The following MANEA variants were observed in gnomAD, a reference collection of about 807,000 sequenced individuals.
The protein encoded by MANEA is glycoprotein endo-alpha-1,2-mannosidase.
MANEA carries 25 observed loss-of-function variants against 36.8 expected under a neutral mutation model. That is an observed-to-expected ratio of 0.68 (90% CI 0.50 to 0.95). The LOEUF is 0.95. Among genes scored for constraint, MANEA ranks in the 40% least tolerant of loss-of-function variants. The pLI, the probability that MANEA is intolerant of heterozygous loss-of-function variation, is 0.00. For synonymous variants in MANEA, 198 were observed against 188.5 expected (o/e 1.05, Z -0.41); for missense variants, 565 against 558.8 (o/e 1.01, Z -0.11).
chr6:95,604,468 G>A (rs1233903262), intron 3 of MANEA, among the ~76,000 whole-genome samples: 1 of 151,930 alleles, frequency 6.6e-6, no homozygotes, highest in African/African-American at 2.4e-5. Context: ...GCATTGCACA[G>A]CAGTTAAGCA....
At chr6:95,596,208 G>T (rs1769479146) in intron 2 of MANEA, among the ~76,000 whole-genome samples, 1 of 152,066 alleles carries the variant, frequency 6.6e-6, no homozygotes, top group African/African-American at 2.4e-5. Flanking sequence ...GGATGAATCA[G>T]TATAGCACAG....
Position 95,607,385 on chromosome 6 carries a change from G to A in MANEA, c.*980G>A, listed in dbSNP as rs1769738034. On this transcript the variant is annotated 3_prime_UTR_variant, in exon 5 of 5. Coordinates refer to ENST00000358812, the MANE Select transcript of MANEA (RefSeq NM_024641.4). ...AAGAAAAATGTTATTACTGTCATTA[G>A]GTTGTCTTTTAATACTTTAAGTTAT... The A allele has an allele frequency of 6.6e-6, 1 of 151,858 alleles. No individual in the cohort carries two copies. 9.4% of individuals were successfully genotyped at this position (151,858 alleles called of 1,614,324 possible). A position where few individuals can be genotyped will look rare whatever the true frequency, so the allele number is the denominator to read the frequency against.
intron 3 of MANEA, among the ~76,000 whole-genome samples, chr6:95,597,980 G>GTT (rs1769511203): frequency 6.6e-6 from 1 of 151,984 alleles, no homozygotes; most frequent in Non-Finnish European, 1.5e-5. Context: ...TCAGAAGAGA[G>GTT]TTTAAGATTT....
intron 1 of MANEA, among the ~76,000 whole-genome samples, chr6:95,584,322 G>A (rs949913409): frequency 3.9e-5 from 6 of 152,104 alleles, no homozygotes; most frequent in African/African-American, 1.4e-4. Flanking sequence ...AAGTAGGAGA[G>A]GTATCACTAA....
intron 1 of MANEA, among the ~76,000 whole-genome samples, chr6:95,583,614 G>C (rs960950247): frequency 6.6e-6 from 1 of 152,080 alleles, no homozygotes; most frequent in Non-Finnish European, 1.5e-5. Context: ...TGTGCGGTGG[G>C]AAAACTATAA....
chr6:95,584,112 G>A (rs1444215687), intron 1 of MANEA, among the ~76,000 whole-genome samples: 2 of 152,052 alleles, frequency 1.3e-5, no homozygotes, highest in Non-Finnish European at 2.9e-5. Flanking sequence ...GAGGATGTAC[G>A]TCACCTCAGG....
At chr6:95,604,755 A>G in intron 3 of MANEA, 72 bp from the exon 4 acceptor site, 1 of 601,708 alleles carries the variant, frequency 1.7e-6, no homozygotes, top group Non-Finnish European at 2.8e-6. Context: ...ACTTTATTAA[A>G]TATATTAAGT....
At chr6:95,601,009 A>G (rs1769580708) in intron 3 of MANEA, among the ~76,000 whole-genome samples, 1 of 152,210 alleles carries the variant, frequency 6.6e-6, no homozygotes, top group East Asian at 1.9e-4. Context: ...TTGGTGCTTT[A>G]GTTATTTTTC....
At chr6:95,602,365 A>T (rs919065712) in intron 3 of MANEA, among the ~76,000 whole-genome samples, 1 of 152,172 alleles carries the variant, frequency 6.6e-6, no homozygotes, top group African/African-American at 2.4e-5. Flanking sequence ...TTATGGCACC[A>T]CATAGGAGTA....
chr6:95,581,375 T>G (rs1769179161), intron 1 of MANEA, among the ~76,000 whole-genome samples: 1 of 151,978 alleles, frequency 6.6e-6, no homozygotes, highest in Non-Finnish European at 1.5e-5. Flanking sequence ...AGGATCAGCT[T>G]AAGAAATTAC....
rs762019122 is a variant in MANEA, at chr6:95,586,858, C to T, written c.419C>T (p.Pro140Leu). 40 of 1,613,482 alleles carry T rather than the reference C, an allele frequency of 2.5e-5. No homozygotes were observed. The highest frequency in any genetic ancestry group is 3.1e-5 in the Non-Finnish European group (37 of 1,179,630). ...GACCCTAGAATAGCCAAGAATTATC[C>T]ACAAGGGAGACACAACCCTCCAGAT... ...HWDPRIAKNYPQGRHNPPDDI... is the reference protein window; with the variant it reads ...HWDPRIAKNYLQGRHNPPDDI... Residue 140 changes from proline (P) to leucine (L), a missense_variant, in exon 2 of 5, where the codon CCA becomes CTA. Physicochemically the swap from Pro to Leu is moderately conservative, Grantham distance 98. Coordinates refer to ENST00000358812, the MANE Select transcript of MANEA (RefSeq NM_024641.4).
rs545463960 is a variant in MANEA, at chr6:95,601,774, C to T, written c.655-3053C>T. On this transcript the variant is annotated intron_variant, in intron 3 of 4. Coordinates refer to ENST00000358812, the MANE Select transcript of MANEA (RefSeq NM_024641.4). Reference sequence around the variant, plus strand: ...AGGATTATAGGGGAAAGAACCAACTCAGCCCTGGTGATCTTCTTTCATTTT... The same window carrying T: ...AGGATTATAGGGGAAAGAACCAACTTAGCCCTGGTGATCTTCTTTCATTTT... Among the ~76,000 whole-genome samples the T allele has an allele frequency of 2.3e-5, 3 of 132,218 alleles. No individual in the cohort carries two copies. The South Asian group carries it at 7.1e-4, about 31-fold the overall frequency. The allele number at this position is 132,218 out of a possible 152,430, so 86.7% of individuals were successfully genotyped here.
intron 3 of MANEA, among the ~76,000 whole-genome samples, chr6:95,603,558 ATTAT>A (rs1396800329): frequency 6.6e-6 from 1 of 151,934 alleles, no homozygotes; most frequent in Non-Finnish European, 1.5e-5. Context: ...TTTTTTAAAT[ATTAT>A]TTAACTTTAA....
At chr6:95,584,258 C>T (rs925805459) in intron 1 of MANEA, among the ~76,000 whole-genome samples, 1 of 151,980 alleles carries the variant, frequency 6.6e-6, no homozygotes, top group African/African-American at 2.4e-5. Flanking sequence ...CCTGTGGGGT[C>T]GGGCAAAAAG....
At chr6:95,588,964 T>C (rs1447273503) in intron 2 of MANEA, among the ~76,000 whole-genome samples, 1 of 152,000 alleles carries the variant, frequency 6.6e-6, no homozygotes, top group South Asian at 2.1e-4. Context: ...TATTGTATCA[T>C]GTATATGAAC....
Position 95,586,738 on chromosome 6 carries a change from A to T in MANEA, c.299A>T (p.Asn100Ile). The T allele has an allele frequency of 6.2e-7, 1 of 1,613,794 alleles. No homozygotes were observed. The highest frequency in any genetic ancestry group is 8.5e-7 in the Non-Finnish European group (1 of 1,179,754). The change falls in exon 2 of 5, where the codon AAC becomes ATC. Residue 100 changes from asparagine (N) to isoleucine (I), a missense_variant. Transcript: ENST00000358812. ...AACTTGGATGAACTACCACCTCTGA[A>T]CAATTATCTACATGTATTTTATTAC... ...ELNLDELPPL[N>I]NYLHVFYYSW...
chr6:95,590,334 G>A (rs536259100), intron 2 of MANEA, among the ~76,000 whole-genome samples: 3 of 152,234 alleles, frequency 2.0e-5, no homozygotes, highest in East Asian at 1.9e-4. Flanking sequence ...TTTCCATGAC[G>A]TTCCAAGCTT....
In MANEA at chr6:95,594,905, A is replaced by G. The variant is rs530952709; in HGVS notation, c.545-1832A>G. ...TTTCTGGTTTCACATTTTCCCTTCAATTTGGCCAGGACATTTCTTACTCTC... is the reference window on the plus strand; with the variant it reads ...TTTCTGGTTTCACATTTTCCCTTCAGTTTGGCCAGGACATTTCTTACTCTC... On this transcript the variant is annotated intron_variant, in intron 2 of 4. Coordinates refer to ENST00000358812, the MANE Select transcript of MANEA (RefSeq NM_024641.4). Among the ~76,000 whole-genome samples, 8 of 152,108 alleles carry G rather than the reference A, an allele frequency of 5.3e-5. No homozygotes were observed. The South Asian group carries it at 1.5e-3, about 28-fold the overall frequency.
At chr6:95,579,434 A>C (rs1331314664) in intron 1 of MANEA, among the ~76,000 whole-genome samples, 1 of 152,180 alleles carries the variant, frequency 6.6e-6, no homozygotes, top group Admixed American at 6.5e-5. Context: ...TGTTAACCAG[A>C]GGGTACAAGT....
Sources: allele counts gnomAD v4.1 joint callset (sites outside exome capture counted in the v4.1 genomes callset), GRCh38; gene constraint gnomAD v4.1.1; transcripts MANE v1.5; gene names NCBI Gene and HGNC (gene_info 2026-07-23, HGNC 2026-07-21).